RXRA: variants seen among roughly 807,000 people sequenced by gnomAD.
The protein encoded by RXRA is retinoid X receptor alpha.
In RXRA, 5 loss-of-function variants were observed where a neutral mutation model predicts 44.5. That is an observed-to-expected ratio of 0.11 (90% CI 0.06 to 0.24). The LOEUF (loss-of-function observed/expected upper bound fraction) is 0.24. RXRA is among the 10% of genes least tolerant of loss of function. The pLI, the probability that RXRA is intolerant of heterozygous loss-of-function variation, is 1.00. For synonymous variants in RXRA, 291 were observed against 271.4 expected (o/e 1.07, Z -0.71); for missense variants, 412 against 646.5 (o/e 0.64, Z 3.93).
chr9:134,361,820 C>T (rs560022490), intron 1 of RXRA, among the ~76,000 whole-genome samples: 3 of 152,292 alleles, frequency 2.0e-5, no homozygotes, highest in East Asian at 1.9e-4. Context: ...AGGGCCTGAG[C>T]ACGGTGGGTC....
At chr9:134,340,463 T>G (rs1830072849) in intron 1 of RXRA, among the ~76,000 whole-genome samples, 1 of 152,106 alleles carries the variant, frequency 6.6e-6, no homozygotes, top group Non-Finnish European at 1.5e-5. Flanking sequence ...CGAGGGGCTT[T>G]AGGAAGTGCC....
chr9:134,406,886 G>T lies in RXRA; in HGVS notation c.280-1263G>T, dbSNP rs1831059711. Among the ~76,000 whole-genome samples, 6 of 152,360 alleles carry T rather than the reference G, an allele frequency of 3.9e-5. No homozygotes were observed. The South Asian group carries it at 1.2e-3, about 32-fold the overall frequency. On this transcript the variant is annotated intron_variant, in intron 2 of 9. Coordinates refer to ENST00000481739, the MANE Select transcript of RXRA (RefSeq NM_002957.6). ...TCTGGGGCTTTCTCTTGCCCCTTCA[G>T]TTCCCTCCCTTCTCTGAGAAGCGCA...
In RXRA at chr9:134,381,252, G is replaced by A. The variant is rs537589361; in HGVS notation, c.29-20380G>A. 2.0e-5 allele frequency among the ~76,000 whole-genome samples: 3 copies of A among 152,296 alleles called. No homozygotes were observed. In the East Asian group the frequency reaches 5.8e-4, roughly 29 times the overall value. ...GCGTATGGGAGTGCGTGGCCAGGTT[G>A]CCCGGCCTGGGCTGGGGGCTGGGTC... On this transcript the variant is annotated intron_variant, in intron 1 of 9. Transcript: ENST00000481739.
Position 134,349,880 on chromosome 9 carries a change from G to A in RXRA, c.28+23221G>A, listed in dbSNP as rs1048624147. ...TAGGAGTCGGGTGGACAGTTTGCAC[G>A]ATCTCATCCTGCCTGTGACACCTTC... On this transcript the variant is annotated intron_variant, in intron 1 of 9. Coordinates refer to ENST00000481739, the MANE Select transcript of RXRA (RefSeq NM_002957.6). This position sits in a 1 kb window ranked among gnomAD's most constrained non-coding sequence, Gnocchi z 4.3. Among the ~76,000 whole-genome samples, 5 of 152,154 alleles carry A rather than the reference G, an allele frequency of 3.3e-5. No individual in the cohort carries two copies. Among genetic ancestry groups the A allele is most frequent in the Non-Finnish European group, 7.4e-5 (5 of 68,020 alleles).
At chr9:134,415,025 T>C (rs2119172777) in intron 4 of RXRA, among the ~76,000 whole-genome samples, 1 of 152,282 alleles carries the variant, frequency 6.6e-6, no homozygotes, top group South Asian at 2.1e-4. Context: ...CTGCTCCCCA[T>C]CCTGCCCCCA....
chr9:134,329,880 G>A (rs1278298481), intron 1 of RXRA, among the ~76,000 whole-genome samples: 1 of 152,176 alleles, frequency 6.6e-6, no homozygotes, highest in African/African-American at 2.4e-5. Flanking sequence ...ATTACTGTGG[G>A]AACAGGGGGT....
chr9:134,344,849 C>G (rs1222759283), intron 1 of RXRA, among the ~76,000 whole-genome samples: 1 of 152,240 alleles, frequency 6.6e-6, no homozygotes, highest in Non-Finnish European at 1.5e-5. Flanking sequence ...GGGCACTGGG[C>G]TTCCTGTCCC....
At position 134,426,173 on chromosome 9, in the gene RXRA, G is replaced by A. The variant is rs1215356364; in HGVS notation, c.911-2935G>A. 1 of 985,298 alleles carries A rather than the reference G, an allele frequency of 1.0e-6. No individual in the cohort carries two copies. Among genetic ancestry groups the A allele is most frequent in the African/African-American group, 1.7e-5 (1 of 57,222 alleles). The allele number at this position is 985,298 out of a possible 1,614,324, so 61.0% of individuals were successfully genotyped here. A position where few individuals can be genotyped will look rare whatever the true frequency, so the allele number is the denominator to read the frequency against. On this transcript the variant is annotated intron_variant, in intron 6 of 9. Transcript: ENST00000481739. This position sits in a 1 kb window ranked among gnomAD's most constrained non-coding sequence, Gnocchi z 4.6. Reference sequence around the variant, plus strand: ...CAAGACTCTTTGTCCTGCGCTTGGAGCCTGGAGTAAGACCTGGTATCCTCT... The same window carrying A: ...CAAGACTCTTTGTCCTGCGCTTGGAACCTGGAGTAAGACCTGGTATCCTCT...
chr9:134,375,933 G>A (rs1460366151), intron 1 of RXRA, among the ~76,000 whole-genome samples: 1 of 142,966 alleles, frequency 7.0e-6, no homozygotes, highest in Admixed American at 6.8e-5. Flanking sequence ...GCTGCCGGCC[G>A]CCCTCCCTCC....
rs1831558609 is a variant in RXRA at position 134,433,100 on chromosome 9, G to T, written c.1136-1002G>T. Among the ~76,000 whole-genome samples the T allele has an allele frequency of 6.6e-6, 1 of 152,150 alleles. No individual in the cohort carries two copies. Among genetic ancestry groups the T allele is most frequent in the Non-Finnish European group, 1.5e-5 (1 of 68,022 alleles). On this transcript the variant is annotated intron_variant, in intron 8 of 9. Coordinates refer to ENST00000481739, the MANE Select transcript of RXRA (RefSeq NM_002957.6). This position sits in a 1 kb window ranked among gnomAD's most constrained non-coding sequence, Gnocchi z 4.2. ...GACCTTCTGACCTTGCCCTTTGTCA[G>T]ACCTGGCTCTGAGGGACCGGGCCGG...
rs58121960 is a variant in RXRA, at chr9:134,345,628, C to T, written c.28+18969C>T. Among the ~76,000 whole-genome samples, 10 of 152,324 alleles carry T rather than the reference C, an allele frequency of 6.6e-5. No individual in the cohort carries two copies. The East Asian group carries it at 1.9e-3, about 29-fold the overall frequency. On this transcript the variant is annotated intron_variant, in intron 1 of 9. Coordinates refer to ENST00000481739, the MANE Select transcript of RXRA (RefSeq NM_002957.6). ...GGTAGCCCCGGCAGAGGCTGTCCCACCAGCTGCCTGCCTCCATTCTCCATA... is the reference window on the plus strand; with the variant it reads ...GGTAGCCCCGGCAGAGGCTGTCCCATCAGCTGCCTGCCTCCATTCTCCATA...
intron 1 of RXRA, chr9:134,379,391 C>T: frequency 2.0e-6 from 2 of 987,528 alleles, no homozygotes; most frequent in Non-Finnish European, 2.4e-6. Flanking sequence ...TGAGCTGCTT[C>T]TGGGGCACCC....
chr9:134,341,206 G>C (rs1300804211), intron 1 of RXRA, among the ~76,000 whole-genome samples: 1 of 152,206 alleles, frequency 6.6e-6, no homozygotes, highest in Non-Finnish European at 1.5e-5. Context: ...CTCGTTCCCT[G>C]CACCCCAGTG....
rs1395396555 is a variant in RXRA, at chr9:134,342,465, G to A, written c.28+15806G>A. Among the ~76,000 whole-genome samples the A allele has an allele frequency of 2.6e-5, 4 of 152,226 alleles. No individual in the cohort carries two copies. Among genetic ancestry groups the A allele is most frequent in the African/African-American group, 9.7e-5 (4 of 41,450 alleles). On this transcript the variant is annotated intron_variant, in intron 1 of 9. Coordinates refer to ENST00000481739, the MANE Select transcript of RXRA (RefSeq NM_002957.6). The surrounding 1 kb of genome is among the most constrained non-coding windows in gnomAD (Gnocchi z 4.4). ...CAGGAAACTGAGGCACAGAGAGCAG[G>A]GGTCCCCCAGGTGGTCAGGCCCCAG...
At chr9:134,381,656 G>A (rs1008830402) in intron 1 of RXRA, among the ~76,000 whole-genome samples, 1 of 152,104 alleles carries the variant, frequency 6.6e-6, no homozygotes, top group Non-Finnish European at 1.5e-5. Flanking sequence ...GGCCTTGAGG[G>A]ATCTGGCCGG....
chr9:134,331,468 G>A lies in RXRA; in HGVS notation c.28+4809G>A, dbSNP rs371284908. ...ACAGAGTCACAGGCTCTCACCTGGCGCTGTTGGCCGCTGGCCCGTGTCCTG... is the reference window on the plus strand; with the variant it reads ...ACAGAGTCACAGGCTCTCACCTGGCACTGTTGGCCGCTGGCCCGTGTCCTG... On this transcript the variant is annotated intron_variant, in intron 1 of 9. Coordinates refer to ENST00000481739, the MANE Select transcript of RXRA (RefSeq NM_002957.6). Among the ~76,000 whole-genome samples the A allele has an allele frequency of 5.1e-4, 78 of 152,342 alleles. 4 individuals carry two copies. In the South Asian group the frequency reaches 0.014, roughly 28 times the overall value.
chr9:134,428,098 C>T lies in RXRA; in HGVS notation c.911-1010C>T, dbSNP rs189919277. ...GCGAGGGTCCCTGTTTCTTCCTCCC[C>T]GATGCCTGCTCTGCTTCATCTGCAC... On this transcript the variant is annotated intron_variant, in intron 6 of 9. Transcript: ENST00000481739. 4.6e-5 allele frequency among the ~76,000 whole-genome samples: 7 copies of T among 152,276 alleles called. No individual in the cohort carries two copies. The East Asian group carries it at 7.7e-4, about 17-fold the overall frequency.
At chr9:134,390,833 C>A (rs1420884858) in intron 1 of RXRA, among the ~76,000 whole-genome samples, 5 of 152,190 alleles carry the variant, frequency 3.3e-5, no homozygotes, top group Non-Finnish European at 5.9e-5. Flanking sequence ...TGACAGGCAT[C>A]CGGCTCAGGT....
chr9:134,352,504 A>G (rs1830233724), intron 1 of RXRA, among the ~76,000 whole-genome samples: 1 of 152,160 alleles, frequency 6.6e-6, no homozygotes, highest in Admixed American at 6.5e-5. Flanking sequence ...CCTGCCCAGC[A>G]GTGGGCAGCA....
Sources: gnomAD v4.1 joint callset for allele counts (sites outside exome capture counted in the v4.1 genomes callset) on GRCh38, gnomAD v4.1.1 for gene constraint, Gnocchi (gnomAD v3.1) non-coding constraint, MANE v1.5 for transcripts, NCBI Gene and HGNC (gene_info 2026-07-23, HGNC 2026-07-21) for gene names.